LYST: variants seen among roughly 807,000 people sequenced by gnomAD.
The protein encoded by LYST is lysosomal trafficking regulator.
LYST carries 192 observed loss-of-function variants against 413.6 expected under a neutral mutation model. The observed-to-expected ratio is 0.46, with a 90% CI of 0.41 to 0.52. The LOEUF is 0.52. Ranked by LOEUF, LYST falls within the 20% of genes least tolerant of loss-of-function variation. LYST has a pLI of 0.00. For missense variants in LYST, 3,815 were observed against 4,499.9 expected (o/e 0.85, Z 4.35); for synonymous variants, 1,525 against 1,567.3 (o/e 0.97, Z 0.64).
intron 1 of LYST, among the ~76,000 whole-genome samples, chr1:235,877,811 T>C (rs979387362): frequency 2.9e-5 from 3 of 104,022 alleles, no homozygotes; most frequent in African/African-American, 1.2e-4. Flanking sequence ...TTATGGGAAA[T>C]AAAATGTATG....
intron 3 of LYST, among the ~76,000 whole-genome samples, chr1:235,822,026 A>C (rs1187198985): frequency 6.6e-6 from 1 of 152,220 alleles, no homozygotes; most frequent in Non-Finnish European, 1.5e-5. Flanking sequence ...TGAGGCATAG[A>C]GTGAACCCCA....
chr1:235,744,892 C>CAAAAAAAAAAAG (rs1258798785), intron 29 of LYST, among the ~76,000 whole-genome samples: 1 of 115,070 alleles, frequency 8.7e-6, no homozygotes, highest in South Asian at 3.4e-4. Context: ...GAACCCATCT[C>CAAAAAAAAAAAG]AAAAAAAAAA....
intron 47 of LYST, among the ~76,000 whole-genome samples, chr1:235,688,943 C>A (rs776077403): frequency 4.6e-5 from 7 of 150,854 alleles, no homozygotes; most frequent in Non-Finnish European, 1.0e-4. Flanking sequence ...CGAGATCGCA[C>A]CACTGCACTC....
chr1:235,762,993 G>C (rs1182645258), intron 21 of LYST, 142 bp from the exon 22 acceptor site: 2 of 664,072 alleles, frequency 3.0e-6, no homozygotes, highest in Non-Finnish European at 5.4e-6. Flanking sequence ...TTATATTAAG[G>C]CACACGATAT....
At chr1:235,848,048 C>G (rs1463344863) in intron 1 of LYST, among the ~76,000 whole-genome samples, 1 of 152,138 alleles carries the variant, frequency 6.6e-6, no homozygotes, top group African/African-American at 2.4e-5. Context: ...CAGATATATA[C>G]AGACATTTCA....
rs528162651 is a variant in LYST, at chr1:235,758,736, AT to A, written c.6881+235del. Among the ~76,000 whole-genome samples, 216 of 152,266 alleles carry A rather than the reference AT, an allele frequency of 1.4e-3. 1 individual carries two copies. Among genetic ancestry groups the A allele is most frequent in the Non-Finnish European group, 2.3e-3 (159 of 68,020 alleles). On this transcript the variant is annotated intron_variant, in intron 23 of 52. Transcript: ENST00000389793. ...TATAAGGAATTAAACCACAATATATATTTTTTAAGTGCTACTTATGGTTTAG... is the reference window on the plus strand; with the variant it reads ...TATAAGGAATTAAACCACAATATATATTTTTAAGTGCTACTTATGGTTTAG...
Position 235,706,911 on chromosome 1 carries a change from G to A in LYST, c.10143+2180C>T, listed in dbSNP as rs148980759. ...ATTTTAAAGCTACTTTTGGGGAATG[G>A]ACTACTGGCCTAAATAAGCTCAGAT... is the stretch of plus-strand genomic sequence containing the variant. On this transcript the variant is annotated intron_variant, in intron 44 of 52. Coordinates refer to ENST00000389793, the MANE Select transcript of LYST (RefSeq NM_000081.4). Among the ~76,000 whole-genome samples the A allele has an allele frequency of 4.6e-5, 7 of 152,266 alleles. No individual in the cohort carries two copies. In the East Asian group the frequency reaches 1.3e-3, roughly 29 times the overall value.
rs917729446 is a variant in LYST at position 235,686,062 on chromosome 1, A to G, written c.10800+887T>C. Among the ~76,000 whole-genome samples the G allele has an allele frequency of 1.3e-5, 2 of 152,098 alleles. No homozygotes were observed. Among genetic ancestry groups the G allele is most frequent in the Non-Finnish European group, 2.9e-5 (2 of 68,022 alleles). Reference sequence around the variant, plus strand: ...ACATATCCTCAACTGCACCACAGGCAGTTGATTCAAGAAACAAAAACAGGC... The same window carrying G: ...ACATATCCTCAACTGCACCACAGGCGGTTGATTCAAGAAACAAAAACAGGC... On this transcript the variant is annotated intron_variant, in intron 48 of 52. Coordinates refer to ENST00000389793, the MANE Select transcript of LYST (RefSeq NM_000081.4). The surrounding 1 kb of genome is among the most constrained non-coding windows in gnomAD (Gnocchi z 4.0).
Position 235,762,748 on chromosome 1 carries a change from T to C in LYST, c.6225A>G (p.Pro2075=), listed in dbSNP as rs761762580. 32 of 1,613,590 alleles carry C rather than the reference T, an allele frequency of 2.0e-5. 1 individual carries two copies. Among genetic ancestry groups the C allele is most frequent in the Admixed American group, 1.7e-4 (10 of 59,992 alleles). The part of the protein sequence containing the change: ...LMSPGFMVIS[P]SGFTASPYEG... ...CATATGGTGAAGCAGTAAAACCAGA[T>C]GGGCTTATTACCATAAATCCAGGGC... Residue 2075 remains proline (P), a synonymous_variant, in exon 22 of 53, where the codon CCA becomes CCG. Transcript: ENST00000389793.
At chr1:235,867,650 T>G (rs1481722532), upstream of LYST, among the ~76,000 whole-genome samples, 3 of 152,140 alleles carry the variant, frequency 2.0e-5, no homozygotes, top group Non-Finnish European at 4.4e-5. Context: ...TCCAGGATGT[T>G]TTGGCTGCAT....
intron 1 of LYST, among the ~76,000 whole-genome samples, chr1:235,860,973 C>G (rs1376836721): frequency 1.3e-5 from 2 of 151,770 alleles, no homozygotes; most frequent in Non-Finnish European, 2.9e-5. Context: ...TTTGGTCTGG[C>G]TTTTTTTCGT....
intron 39 of LYST, among the ~76,000 whole-genome samples, chr1:235,721,285 G>A (rs1663348487): frequency 6.6e-6 from 1 of 152,176 alleles, no homozygotes; most frequent in Non-Finnish European, 1.5e-5. Flanking sequence ...GGACAGATCT[G>A]GTATATTTTC....
chr1:235,877,180 G>A (rs1681174576), intron 1 of LYST, among the ~76,000 whole-genome samples: 1 of 152,204 alleles, frequency 6.6e-6, no homozygotes, highest in South Asian at 2.1e-4. Context: ...CCGAGTGGTT[G>A]TACCAGAGAA....
At chr1:235,861,620 C>A (rs181239697) in intron 1 of LYST, among the ~76,000 whole-genome samples, 1 of 152,068 alleles carries the variant, frequency 6.6e-6, no homozygotes, top group East Asian at 1.9e-4. Context: ...AAAGTGTAGA[C>A]CTTAAATTCC....
At chr1:235,853,223 G>C (rs1251577755) in intron 1 of LYST, among the ~76,000 whole-genome samples, 3 of 152,082 alleles carry the variant, frequency 2.0e-5, no homozygotes, top group African/African-American at 7.2e-5. Context: ...TGCTCCTCTT[G>C]AAAAGAAGTA....
intron 50 of LYST, among the ~76,000 whole-genome samples, chr1:235,668,098 C>G (rs1359567659): frequency 1.3e-5 from 2 of 152,124 alleles, no homozygotes; most frequent in East Asian, 3.8e-4. Context: ...ACAGATGCAA[C>G]CATTCATTTT....
In LYST at chr1:235,791,845, C is replaced by A. The variant is rs2103525958; in HGVS notation, c.4397G>T (p.Trp1466Leu). The change falls in exon 12 of 53, where the codon TGG (tryptophan) becomes TTG (leucine). Residue 1466 changes from tryptophan (W) to leucine (L), a missense_variant. Coordinates refer to ENST00000389793, the MANE Select transcript of LYST (RefSeq NM_000081.4). Reference sequence around the variant, plus strand: ...ACTGAAACCTTCTGATAGGTGTGGCCAGCAGTTTTGCCCCAGCAACGGCAG... The same window carrying A: ...ACTGAAACCTTCTGATAGGTGTGGCAAGCAGTTTTGCCCCAGCAACGGCAG... ...VHLPLLGQNC[W>L]PHLSEGFSVS... The A allele has an allele frequency of 6.2e-7, 1 of 1,614,114 alleles. No individual in the cohort carries two copies. The highest frequency in any genetic ancestry group is 2.2e-5 in the East Asian group (1 of 44,878).
chr1:235,846,346 C>A (rs1222343996), intron 1 of LYST, among the ~76,000 whole-genome samples: 1 of 152,136 alleles, frequency 6.6e-6, no homozygotes, highest in Non-Finnish European at 1.5e-5. Context: ...CAAGGGAACA[C>A]CCCGTGGGAC....
At chr1:235,872,099 C>A (rs529901193) in intron 1 of LYST, among the ~76,000 whole-genome samples, 110 of 152,166 alleles carry the variant, frequency 7.2e-4, no homozygotes, top group Non-Finnish European at 1.4e-3. Context: ...AGTTCGTGAC[C>A]AGCCTGGCCA....
Sources: gnomAD v4.1 joint callset for allele counts (sites outside exome capture counted in the v4.1 genomes callset) on GRCh38, gnomAD v4.1.1 for gene constraint, Gnocchi (gnomAD v3.1) non-coding constraint, MANE v1.5 for transcripts, NCBI Gene and HGNC (gene_info 2026-07-23, HGNC 2026-07-21) for gene names.